The following EHMT1 variants were observed in gnomAD, a reference collection of about 807,000 sequenced individuals.
EHMT1 encodes euchromatic histone lysine methyltransferase 1, also known as histone-lysine N-methyltransferase EHMT1.
In EHMT1, 15 loss-of-function variants were observed where a neutral mutation model predicts 147.2. The observed-to-expected ratio is 0.10, with a 90% CI of 0.07 to 0.16. The LOEUF (loss-of-function observed/expected upper bound fraction) is 0.16, where lower values mean the gene tolerates loss of function less well. Ranked by LOEUF, EHMT1 falls within the 10% of genes least tolerant of loss-of-function variation. The pLI is 1.00. For missense variants in EHMT1, 1,587 were observed against 1,772.4 expected (o/e 0.90, Z 1.88); for synonymous variants, 795 against 709.6 (o/e 1.12, Z -1.91).
chr9:137,792,351 T>C, intron 16 of EHMT1: 1 of 260,960 alleles, frequency 3.8e-6, no homozygotes, highest in Non-Finnish European at 7.8e-6. Context: ...CTGAGACAGC[T>C]GGATATCCAC....
intron 25 of EHMT1, among the ~76,000 whole-genome samples, chr9:137,829,556 T>G (rs568515545): frequency 6.6e-6 from 1 of 152,266 alleles, no homozygotes; most frequent in Admixed American, 6.5e-5. Context: ...GTGAGGTTCA[T>G]CTACAGACTC....
chr9:137,686,966 T>A (rs1281317261), intron 1 of EHMT1, among the ~76,000 whole-genome samples: 1 of 152,056 alleles, frequency 6.6e-6, no homozygotes, highest in Non-Finnish European at 1.5e-5. Flanking sequence ...CCTGGCCTCA[T>A]GATCCACCCG....
At chr9:137,780,800 C>T (rs1442950396) in intron 14 of EHMT1, among the ~76,000 whole-genome samples, 2 of 87,060 alleles carry the variant, frequency 2.3e-5, no homozygotes, top group Admixed American at 1.2e-4. Flanking sequence ...GTGGTGATGA[C>T]GGCATCTCAC....
intron 1 of EHMT1, among the ~76,000 whole-genome samples, chr9:137,704,835 TCTTTC>T (rs1255143048): frequency 7.5e-6 from 1 of 134,002 alleles, no homozygotes; most frequent in African/African-American, 2.9e-5. Flanking sequence ...CTGCCTTCTT[TCTTTC>T]CTTTCCTTCC....
intron 1 of EHMT1, among the ~76,000 whole-genome samples, chr9:137,706,408 A>G (rs1453438230): frequency 1.3e-5 from 2 of 152,280 alleles, no homozygotes; most frequent in Non-Finnish European, 2.9e-5. Flanking sequence ...TGCTTAGATC[A>G]AGGAGAAGGA....
At chr9:137,642,234 C>T (rs953854470) in intron 1 of EHMT1, among the ~76,000 whole-genome samples, 5 of 152,132 alleles carry the variant, frequency 3.3e-5, no homozygotes, top group Non-Finnish European at 7.3e-5. Context: ...AGGGTTTATA[C>T]TTGTCGATTT....
intron 1 of EHMT1, among the ~76,000 whole-genome samples, chr9:137,675,560 T>C (rs1941174062): frequency 6.6e-6 from 1 of 151,452 alleles, no homozygotes; most frequent in African/African-American, 2.4e-5. Flanking sequence ...ACCTCCCAGG[T>C]TCCCGCCATT....
At position 137,835,853 on chromosome 9, in the gene EHMT1, T is replaced by C. The variant is rs1956542806; in HGVS notation, c.*900T>C. On this transcript the variant is annotated 3_prime_UTR_variant, in exon 27 of 27. Transcript: ENST00000460843. ...TGCAGGAAAAACTTTTTTAAAGATG[T>C]TAGTCTTGTAGCGTGAATAAATTTG... 6.6e-6 allele frequency: 1 copy of C among 152,604 alleles called. No individual in the cohort carries two copies. The highest frequency in any genetic ancestry group is 2.4e-5 in the African/African-American group (1 of 41,466). 9.5% of individuals were successfully genotyped at this position (152,604 alleles called of 1,614,324 possible). A position where few individuals can be genotyped will look rare whatever the true frequency, so the allele number is the denominator to read the frequency against.
chr9:137,621,256 A>T (rs1178897044), intron 1 of EHMT1, among the ~76,000 whole-genome samples: 4 of 152,220 alleles, frequency 2.6e-5, no homozygotes, highest in Non-Finnish European at 5.9e-5. Flanking sequence ...TAGGCATGTG[A>T]TCACTGTTGT....
At chr9:137,691,721 G>A (rs1476648971) in intron 1 of EHMT1, among the ~76,000 whole-genome samples, 1 of 152,174 alleles carries the variant, frequency 6.6e-6, no homozygotes, top group African/African-American at 2.4e-5. Flanking sequence ...ATTCTCACTA[G>A]CAGCACGCAA....
At chr9:137,821,318 C>CTTTTTTTTTT (rs778919891) in intron 25 of EHMT1, among the ~76,000 whole-genome samples, 1 of 63,984 alleles carries the variant, frequency 1.6e-5, no homozygotes, top group African/African-American at 6.8e-5. Flanking sequence ...TGCGCCCGGC[C>CTTTTTTTTTT]TTTTTTTTTT....
chr9:137,650,861 C>T (rs1564541310), intron 1 of EHMT1: 1 of 151,586 alleles, frequency 6.6e-6, no homozygotes, highest in East Asian at 1.9e-4. Context: ...TTTGTGCAGA[C>T]TGTGTTGATC....
rs1200495655 is a variant in EHMT1, at chr9:137,724,828, TAGACTTGTGGCATTCGTGTGGC to T, written c.643-3516_643-3495del. On this transcript the variant is annotated intron_variant, in intron 3 of 26. Transcript: ENST00000460843. ...CAGCAGACGTGTGGCATTCGTGTGG[TAGACTTGTGGCATTCGTGTGGC>T]AGACGTGTGGCATTCGTGGGGCAGA... Among the ~76,000 whole-genome samples the T allele has an allele frequency of 7.3e-4, 109 of 148,584 alleles. 1 individual carries two copies. The East Asian group carries it at 0.021, about 29-fold the overall frequency.
chr9:137,739,841 C>A (rs1328569816), intron 4 of EHMT1, among the ~76,000 whole-genome samples: 1 of 152,170 alleles, frequency 6.6e-6, no homozygotes, highest in Admixed American at 6.5e-5. Context: ...CCTGAATGGC[C>A]TGGGGTCTCT....
chr9:137,730,180 G>GT (rs113278121), intron 4 of EHMT1, among the ~76,000 whole-genome samples: 2 of 152,282 alleles, frequency 1.3e-5, no homozygotes, highest in African/African-American at 4.8e-5. Flanking sequence ...AATTGTGGTG[G>GT]TTTTTTGTCC....
intron 1 of EHMT1, among the ~76,000 whole-genome samples, chr9:137,623,867 G>A (rs1843090929): frequency 6.6e-6 from 1 of 152,102 alleles, no homozygotes; most frequent in South Asian, 2.1e-4. Context: ...GAGACAGTCT[G>A]GAGGAGTGGT....
chr9:137,832,162 C>T (rs1281322716), intron 25 of EHMT1, among the ~76,000 whole-genome samples: 2 of 148,838 alleles, frequency 1.3e-5, no homozygotes, highest in African/African-American at 5.0e-5. Flanking sequence ...CCTGTGCCTT[C>T]CCTCCAGTCC....
At chr9:137,726,701 A>G (rs1368636876) in intron 3 of EHMT1, among the ~76,000 whole-genome samples, 1 of 152,182 alleles carries the variant, frequency 6.6e-6, no homozygotes, top group Non-Finnish European at 1.5e-5. Context: ...TCCACAGCGG[A>G]TGCACCGTTT....
intron 18 of EHMT1, among the ~76,000 whole-genome samples, chr9:137,811,248 C>A (rs1954458917): frequency 6.6e-6 from 1 of 152,082 alleles, no homozygotes; most frequent in Admixed American, 6.6e-5. Flanking sequence ...ATGAAACAAA[C>A]AAAACATGAA....
Sources: gnomAD v4.1 joint callset for allele counts (sites outside exome capture counted in the v4.1 genomes callset) on GRCh38, gnomAD v4.1.1 for gene constraint, MANE v1.5 for transcripts, NCBI Gene and HGNC (gene_info 2026-07-23, HGNC 2026-07-21) for gene names.